PTPN14: variants seen among roughly 807,000 people sequenced by gnomAD.
The protein encoded by PTPN14 is tyrosine-protein phosphatase non-receptor type 14.
A neutral mutation model predicts 126.8 loss-of-function variants in PTPN14; 53 were observed. The ratio of observed to expected loss-of-function variants is 0.42; its 90% CI spans 0.34 to 0.53. The LOEUF (loss-of-function observed/expected upper bound fraction) is 0.53. Among genes scored for constraint, PTPN14 ranks in the 20% least tolerant of loss-of-function variants. The probability of loss-of-function intolerance (pLI) is 0.08; values close to 1 mark genes in which losing one functional copy is unlikely to be tolerated. For synonymous variants in PTPN14, 630 were observed against 599.3 expected (o/e 1.05, Z -0.75); for missense variants, 1,257 against 1,552.9 (o/e 0.81, Z 3.20).
At chr1:214,516,382 G>A (rs1395041904) in intron 1 of PTPN14, among the ~76,000 whole-genome samples, 1 of 152,188 alleles carries the variant, frequency 6.6e-6, no homozygotes, top group African/African-American at 2.4e-5. Flanking sequence ...TCCTTTGCAA[G>A]GATGGCAGTG....
chr1:214,439,918 A>T (rs940023001), intron 3 of PTPN14, among the ~76,000 whole-genome samples: 1 of 152,172 alleles, frequency 6.6e-6, no homozygotes, highest in Non-Finnish European at 1.5e-5. Context: ...GGACTCACTC[A>T]AAGAAGTGCC....
intron 5 of PTPN14, among the ~76,000 whole-genome samples, chr1:214,406,145 A>G (rs1206586159): frequency 2.6e-5 from 4 of 152,224 alleles, no homozygotes; most frequent in Non-Finnish European, 4.4e-5. Flanking sequence ...TGAGCTTTCC[A>G]ATACAGTAGC....
Position 214,383,223 on chromosome 1 carries a change from C to G in PTPN14, c.2544+88G>C. ...TCAATGATTCCTTAAAAACCTACCA[C>G]GTTCCCTGCATAAGCCCTGCCCCTT... On this transcript the variant is annotated intron_variant, in intron 13 of 18. Coordinates refer to ENST00000366956, the MANE Select transcript of PTPN14 (RefSeq NM_005401.5). This position sits in a 1 kb window ranked among gnomAD's most constrained non-coding sequence, Gnocchi z 4.4. The G allele has an allele frequency of 2.1e-6, 3 of 1,452,360 alleles. No individual in the cohort carries two copies. The highest frequency in any genetic ancestry group is 1.9e-4 in the Middle Eastern group (1 of 5,380). The allele number at this position is 1,452,360 out of a possible 1,614,324, so 90.0% of individuals were successfully genotyped here.
Position 214,352,020 on chromosome 1 carries a change from G to A in PTPN14, c.*5902C>T, listed in dbSNP as rs1657717991. 1 of 152,200 alleles carries A rather than the reference G, an allele frequency of 6.6e-6. No homozygotes were observed. Among genetic ancestry groups the A allele is most frequent in the African/African-American group, 2.4e-5 (1 of 41,440 alleles). 9.4% of individuals were successfully genotyped at this position (152,200 alleles called of 1,614,324 possible). A position where few individuals can be genotyped will look rare whatever the true frequency, so the allele number is the denominator to read the frequency against. On this transcript the variant is annotated 3_prime_UTR_variant, in exon 19 of 19. Coordinates refer to ENST00000366956, the MANE Select transcript of PTPN14 (RefSeq NM_005401.5). ...GATGGCCCAAAGTGTGGCAGAAGGA[G>A]CAATGACTTTCCACACAAATGCTTG...
At chr1:214,522,473 C>T (rs1474887510) in intron 1 of PTPN14, among the ~76,000 whole-genome samples, 1 of 152,120 alleles carries the variant, frequency 6.6e-6, no homozygotes, top group Non-Finnish European at 1.5e-5. Flanking sequence ...TATCTGTGTT[C>T]AGAAAAGGAA....
At chr1:214,471,402 C>T (rs2102662016) in intron 1 of PTPN14, among the ~76,000 whole-genome samples, 1 of 152,272 alleles carries the variant, frequency 6.6e-6, no homozygotes, top group Middle Eastern at 3.4e-3. Flanking sequence ...CTCTTTTAGC[C>T]TCAGTCTACT....
chr1:214,377,751 C>T (rs1658375930), intron 14 of PTPN14, among the ~76,000 whole-genome samples: 2 of 152,010 alleles, frequency 1.3e-5, no homozygotes, highest in Admixed American at 1.3e-4. Context: ...ATCTGCCAAC[C>T]GGACAAAGCA....
At chr1:214,481,904 G>A (rs887399054) in intron 1 of PTPN14, among the ~76,000 whole-genome samples, 8 of 151,292 alleles carry the variant, frequency 5.3e-5, no homozygotes, top group African/African-American at 7.3e-5. Context: ...GGAGAATGGC[G>A]TGAACCCAGG....
At chr1:214,376,491 T>G in intron 14 of PTPN14, 54 bp from the exon 15 acceptor site, 1 of 1,412,322 alleles carries the variant, frequency 7.1e-7, no homozygotes, top group Non-Finnish European at 9.9e-7. Flanking sequence ...AAAAACTCAA[T>G]GAAACAACCA....
intron 1 of PTPN14, among the ~76,000 whole-genome samples, chr1:214,508,370 C>G (rs1031286059): frequency 2.6e-5 from 4 of 152,182 alleles, no homozygotes; most frequent in Admixed American, 2.6e-4. Context: ...GCATCATCAC[C>G]AGGAGTAGAT....
intron 1 of PTPN14, among the ~76,000 whole-genome samples, chr1:214,498,399 T>G (rs80032620): frequency 6.6e-6 from 1 of 152,290 alleles, no homozygotes; most frequent in South Asian, 2.1e-4. Context: ...CAAGACTCAG[T>G]TGGATCTTAA....
At chr1:214,407,863 C>A (rs11120313) in intron 5 of PTPN14, among the ~76,000 whole-genome samples, 16,986 of 152,164 alleles carry the variant, frequency 0.11, 1,075 homozygotes, top group African/African-American at 0.17. Flanking sequence ...GTGGGGTCTG[C>A]AGAACTCAAA....
chr1:214,423,762 T>C lies in PTPN14; in HGVS notation c.345-9036A>G, dbSNP rs571234528. ...TTGGGAGACCGAGGTGGGTGGATCA[T>C]TTGAGGTCAGGAGTTCAAGACCAGC... On this transcript the variant is annotated intron_variant, in intron 3 of 18. Coordinates refer to ENST00000366956, the MANE Select transcript of PTPN14 (RefSeq NM_005401.5). Among the ~76,000 whole-genome samples the C allele has an allele frequency of 1.8e-3, 259 of 147,824 alleles. 3 individuals are homozygous for C. The highest frequency in any genetic ancestry group is 6.0e-3 in the African/African-American group (241 of 39,850).
chr1:214,404,568 A>C (rs546205118), intron 5 of PTPN14, among the ~76,000 whole-genome samples: 64 of 152,268 alleles, frequency 4.2e-4, no homozygotes, highest in African/African-American at 1.5e-3. Context: ...TGTTCCATTA[A>C]ATCTCCGTTT....
intron 3 of PTPN14, among the ~76,000 whole-genome samples, chr1:214,422,874 G>A (rs1045220360): frequency 3.5e-4 from 53 of 152,134 alleles, no homozygotes; most frequent in African/African-American, 1.3e-3. Flanking sequence ...ACTCTCTGTC[G>A]ATGAAGTAAT....
rs559496857 is a variant in PTPN14 at position 214,464,826 on chromosome 1, G to A, written c.-23C>T. 1.4e-5 allele frequency: 23 copies of A among 1,609,242 alleles called. No individual in the cohort carries two copies. In the Admixed American group the frequency reaches 1.8e-4, roughly 13 times the overall value. On this transcript the variant is annotated 5_prime_UTR_variant, in exon 2 of 19. Transcript: ENST00000366956. Reference sequence around the variant, plus strand: ...CATGGCTATGTGGTCCTCGGACGCCGCCCGCCTATCCTGGCGCACACGCCC... The same window carrying A: ...CATGGCTATGTGGTCCTCGGACGCCACCCGCCTATCCTGGCGCACACGCCC...
At chr1:214,515,741 T>C (rs1039181442) in intron 1 of PTPN14, among the ~76,000 whole-genome samples, 2 of 152,182 alleles carry the variant, frequency 1.3e-5, no homozygotes, top group Non-Finnish European at 2.9e-5. Context: ...AATTTCGTCT[T>C]AGCATTCTCT....
intron 3 of PTPN14, among the ~76,000 whole-genome samples, chr1:214,415,381 A>G (rs1366479741): frequency 6.6e-6 from 1 of 152,182 alleles, no homozygotes; most frequent in African/African-American, 2.4e-5. Context: ...CCCTACCAAT[A>G]AAATAGCCCT....
chr1:214,452,325 G>A, intron 2 of PTPN14, among the ~76,000 whole-genome samples: 1 of 152,172 alleles, frequency 6.6e-6, no homozygotes, highest in East Asian at 1.9e-4. Flanking sequence ...CATGCTTCAT[G>A]ATCTCACATG....
Sources: gnomAD v4.1 joint callset for allele counts (sites outside exome capture counted in the v4.1 genomes callset) on GRCh38, gnomAD v4.1.1 for gene constraint, Gnocchi (gnomAD v3.1) non-coding constraint, MANE v1.5 for transcripts, NCBI Gene and HGNC (gene_info 2026-07-23, HGNC 2026-07-21) for gene names.